INTS13: variants seen among roughly 807,000 people sequenced by gnomAD.
INTS13 encodes the protein integrator complex subunit 13.
A neutral mutation model predicts 90.2 loss-of-function variants in INTS13; 35 were observed. That is an observed-to-expected ratio of 0.39 (90% confidence interval 0.30 to 0.51). The LOEUF (loss-of-function observed/expected upper bound fraction) is 0.51, where lower values mean the gene tolerates loss of function less well. Ranked by LOEUF, INTS13 falls within the 20% of genes least tolerant of loss-of-function variation. INTS13 has a pLI of 0.80. For missense variants in INTS13, 601 were observed against 851.2 expected (o/e 0.71, Z 3.66); for synonymous variants, 309 against 277.1 (o/e 1.11, Z -1.14).
chr12:26,920,155 G>T (rs571229062), intron 8 of INTS13, among the ~76,000 whole-genome samples: 1 of 151,590 alleles, frequency 6.6e-6, no homozygotes, highest in South Asian at 2.1e-4. Context: ...TGGAACTTAG[G>T]GAAGGTATCT....
At chr12:26,908,286 C>T (rs1198884822) in intron 15 of INTS13, among the ~76,000 whole-genome samples, 2 of 151,986 alleles carry the variant, frequency 1.3e-5, no homozygotes, top group African/African-American at 4.8e-5. Flanking sequence ...TGTTGTGTAC[C>T]CTGATTGTGA....
intron 2 of INTS13, 28 bp downstream of exon 2, chr12:26,936,548 AATC>A (rs779894166): frequency 6.6e-7 from 1 of 1,506,484 alleles, no homozygotes; most frequent in Non-Finnish European, 9.2e-7. Context: ...ACATCCCCAA[AATC>A]ATGATTTTGT....
At chr12:26,916,431 C>T (rs1951938214) in intron 10 of INTS13, among the ~76,000 whole-genome samples, 1 of 152,176 alleles carries the variant, frequency 6.6e-6, no homozygotes, top group East Asian at 1.9e-4. Context: ...TGGCATAATA[C>T]GTTTGGCTAT....
At chr12:26,909,810 T>C (rs1159051129) in intron 15 of INTS13, among the ~76,000 whole-genome samples, 1 of 152,228 alleles carries the variant, frequency 6.6e-6, no homozygotes, top group East Asian at 1.9e-4. Flanking sequence ...GAATATAACA[T>C]GTATCACTAT....
chr12:26,929,126 CAATT>C, intron 3 of INTS13: 1 of 484,128 alleles, frequency 2.1e-6, no homozygotes, highest in Non-Finnish European at 3.7e-6. Context: ...ATGCAAATAT[CAATT>C]ATTACAATAC....
chr12:26,926,530 A>C (rs1937884503), intron 5 of INTS13, among the ~76,000 whole-genome samples: 1 of 152,212 alleles, frequency 6.6e-6, no homozygotes, highest in Non-Finnish European at 1.5e-5. Context: ...TAACACTATG[A>C]CCGCACCTAA....
chr12:26,911,428 T>C, intron 14 of INTS13, 111 bp from the exon 15 acceptor site: 1 of 908,730 alleles, frequency 1.1e-6, no homozygotes, highest in Non-Finnish European at 1.6e-6. Context: ...GCTAATCTCA[T>C]AAAATAAACC....
Position 26,937,782 on chromosome 12 carries a change from C to A in INTS13, c.-12+14G>T, listed in dbSNP as rs1299051379. The stretch of plus-strand genomic sequence containing the variant: ...GAGTGGATAGGGAAGACCTCAGGAT[C>A]GAGGTTCGCTTACTTTCGTGCCTGG... On this transcript the variant is annotated intron_variant, in intron 1 of 16. Coordinates refer to ENST00000261191, the MANE Select transcript of INTS13 (RefSeq NM_018164.3). The A allele has an allele frequency of 2.6e-5, 4 of 152,726 alleles. No individual in the cohort carries two copies. In the East Asian group the frequency reaches 7.7e-4, roughly 29 times the overall value. The allele number at this position is 152,726 out of a possible 1,614,324, so 9.5% of individuals were successfully genotyped here.
At chr12:26,937,997 G>GCACACACACACACACACACA (rs149220083), upstream of INTS13, 71 of 151,302 alleles carry the variant, frequency 4.7e-4, 1 homozygote, top group African/African-American at 1.7e-3. Flanking sequence ...GCGTGCGCGT[G>GCACACACACACACACACACA]CACACACACA....
chr12:26,930,513 AGAC>A (rs1213959220), intron 3 of INTS13, among the ~76,000 whole-genome samples: 1 of 152,260 alleles, frequency 6.6e-6, no homozygotes, highest in Non-Finnish European at 1.5e-5. Context: ...CATTAAATAT[AGAC>A]AAGATTATAC....
intron 11 of INTS13, 72 bp from the exon 12 acceptor site, chr12:26,914,650 T>C: frequency 8.0e-7 from 1 of 1,253,174 alleles, no homozygotes; most frequent in East Asian, 2.5e-5. Context: ...TGTACTAGTC[T>C]GTTTCCCTGA....
rs368567088 is a variant in INTS13 at position 26,906,330 on chromosome 12, G to A, written c.2053C>T (p.Leu685=). ...TTTTCCTCTTTAAGATGTTGATATA[G>A]TTCAGCTCTGTTATTAACAGAGTTC... ...RLNSVNNRAE[L]YQHLKEENGM... is the part of the protein sequence containing the mutation. Residue 685 remains leucine (L), a synonymous_variant, in exon 16 of 17, where the codon CTA becomes TTA. Transcript: ENST00000261191. The A allele has an allele frequency of 9.3e-6, 15 of 1,609,142 alleles. No individual in the cohort carries two copies. The highest frequency in any genetic ancestry group is 1.2e-5 in the Non-Finnish European group (14 of 1,178,626).
At chr12:26,936,197 C>T (rs1045854790) in intron 2 of INTS13, among the ~76,000 whole-genome samples, 25 of 151,136 alleles carry the variant, frequency 1.7e-4, no homozygotes, top group African/African-American at 6.0e-4. Context: ...GACTGACAGT[C>T]AGCTGCTACA....
At chr12:26,932,635 C>T (rs114023156) in intron 3 of INTS13, among the ~76,000 whole-genome samples, 1,710 of 152,310 alleles carry the variant, frequency 0.011, 27 homozygotes, top group African/African-American at 0.039. Context: ...CTGTCCAATA[C>T]AGTAGCCACT....
chr12:26,925,992 T>C, intron 5 of INTS13, 141 bp from the exon 6 acceptor site: 1 of 577,226 alleles, frequency 1.7e-6, no homozygotes, highest in Non-Finnish European at 3.0e-6. Flanking sequence ...AGCTAAATAT[T>C]AGAAAGGCAG....
intron 15 of INTS13, among the ~76,000 whole-genome samples, chr12:26,910,760 C>T (rs981208900): frequency 1.3e-5 from 2 of 152,132 alleles, no homozygotes; most frequent in African/African-American, 4.8e-5. Context: ...CTAAACAACA[C>T]CCACAAATAC....
intron 14 of INTS13, among the ~76,000 whole-genome samples, chr12:26,912,504 T>C (rs1000609398): frequency 3.9e-5 from 6 of 152,144 alleles, no homozygotes; most frequent in Admixed American, 2.0e-4. Context: ...TTCTGGCAAG[T>C]GGATAGAGGA....
chr12:26,917,583 C>A, intron 9 of INTS13, 61 bp downstream of exon 9: 2 of 1,427,932 alleles, frequency 1.4e-6, no homozygotes, highest in Non-Finnish European at 2.0e-6. Context: ...TAAATTGACC[C>A]CCATATAATA....
At chr12:26,930,166 TA>T (rs1164790761) in intron 3 of INTS13, among the ~76,000 whole-genome samples, 3 of 152,154 alleles carry the variant, frequency 2.0e-5, no homozygotes, top group Non-Finnish European at 4.4e-5. Flanking sequence ...ATTAAAGATC[TA>T]AAAAATGAAA....
Sources: allele counts gnomAD v4.1 joint callset (sites outside exome capture counted in the v4.1 genomes callset), GRCh38; gene constraint gnomAD v4.1.1; transcripts MANE v1.5; gene names NCBI Gene and HGNC (gene_info 2026-07-23, HGNC 2026-07-21).